The following FLI1 variants were observed in gnomAD, a reference collection of about 807,000 sequenced individuals.
FLI1 encodes Fli-1 proto-oncogene, ETS transcription factor, also known as Friend leukemia integration 1 transcription factor.
A neutral mutation model predicts 53.1 loss-of-function variants in FLI1; 13 were observed. The observed-to-expected ratio is 0.24, with a 90% confidence interval of 0.16 to 0.39. The LOEUF (loss-of-function observed/expected upper bound fraction) is 0.39, where lower values mean the gene tolerates loss of function less well. Ranked by LOEUF, FLI1 falls within the 10% of genes least tolerant of loss-of-function variation. FLI1 has a pLI of 1.00. For missense variants in FLI1, 424 were observed against 600.5 expected (o/e 0.71, Z 3.07); for synonymous variants, 244 against 236.7 (o/e 1.03, Z -0.28).
chr11:128,783,723 A>G (rs932897628), intron 5 of FLI1, among the ~76,000 whole-genome samples: 24 of 152,338 alleles, frequency 1.6e-4, no homozygotes, highest in African/African-American at 5.1e-4. Context: ...AGAACGAAAG[A>G]GAAGAACTCT....
intron 7 of FLI1, among the ~76,000 whole-genome samples, chr11:128,808,846 T>C (rs555287909): frequency 1.7e-3 from 253 of 152,230 alleles, no homozygotes; most frequent in Non-Finnish European, 3.2e-3. Flanking sequence ...TTGAATATTA[T>C]CCAGTTCCTT....
chr11:128,764,392 T>C (rs1466891936), intron 2 of FLI1, among the ~76,000 whole-genome samples: 1 of 152,242 alleles, frequency 6.6e-6, no homozygotes, highest in African/African-American at 2.4e-5. Context: ...GCAGCTCTGC[T>C]GTGGCCTCTG....
intron 5 of FLI1, among the ~76,000 whole-genome samples, chr11:128,789,215 G>A (rs1015483354): frequency 2.0e-5 from 3 of 152,174 alleles, no homozygotes; most frequent in Non-Finnish European, 4.4e-5. Flanking sequence ...GCCCAGGTGA[G>A]CCCTTGCAGG....
At chr11:128,728,102 G>C (rs117944950) in intron 1 of FLI1, among the ~76,000 whole-genome samples, 1 of 152,206 alleles carries the variant, frequency 6.6e-6, no homozygotes, top group African/African-American at 2.4e-5. Context: ...GAGTAGCTCC[G>C]CTTTAAGAGG....
intron 2 of FLI1, among the ~76,000 whole-genome samples, chr11:128,763,317 T>C (rs1941199390): frequency 2.6e-5 from 4 of 152,184 alleles, no homozygotes. Context: ...TTTCTTCATA[T>C]CTTCCTGTTG....
At chr11:128,690,277 C>A (rs1453011863), upstream of FLI1, among the ~76,000 whole-genome samples, 1 of 152,226 alleles carries the variant, frequency 6.6e-6, no homozygotes, top group Non-Finnish European at 1.5e-5. Context: ...CTCGGATACC[C>A]GCTGCGGCCT....
rs528363940 is a variant in FLI1, at chr11:128,813,154, A to G, written c.*2166A>G. 5.5e-4 allele frequency: 88 copies of G among 160,372 alleles called. 18 individuals carry two copies. The highest frequency in any genetic ancestry group is 4.0e-3 in the Admixed American group (58 of 14,582). 9.9% of individuals were successfully genotyped at this position (160,372 alleles called of 1,614,324 possible). On this transcript the variant is annotated 3_prime_UTR_variant, in exon 9 of 9. Coordinates refer to ENST00000527786, the MANE Select transcript of FLI1 (RefSeq NM_002017.5). ...AAGCACATATTCTCAACATATGCAC[A>G]TTGATTTATAAATCATATATACAAA... is the stretch of plus-strand genomic sequence containing the variant.
intron 1 of FLI1, among the ~76,000 whole-genome samples, chr11:128,744,029 G>A (rs1313711508): frequency 6.6e-6 from 1 of 152,174 alleles, no homozygotes; most frequent in African/African-American, 2.4e-5. Flanking sequence ...GGGAGTCTGA[G>A]CTCTGTGATG....
chr11:128,731,958 G>A (rs1388524990), intron 1 of FLI1, among the ~76,000 whole-genome samples: 6 of 151,392 alleles, frequency 4.0e-5, no homozygotes, highest in Admixed American at 2.0e-4. Context: ...AGCCGAGATC[G>A]TGCCACTGTG....
At chr11:128,735,009 G>A (rs1362606459) in intron 1 of FLI1, among the ~76,000 whole-genome samples, 6 of 152,104 alleles carry the variant, frequency 3.9e-5, no homozygotes, top group Admixed American at 6.5e-5. Context: ...CAGAGGGTTG[G>A]CCTCACACTC....
At chr11:128,742,406 T>C (rs1940176949) in intron 1 of FLI1, among the ~76,000 whole-genome samples, 1 of 152,240 alleles carries the variant, frequency 6.6e-6, no homozygotes, top group Admixed American at 6.5e-5. Context: ...ATCTGTTTTA[T>C]GGCCCCATTG....
chr11:128,716,408 G>C (rs894510652), intron 1 of FLI1, among the ~76,000 whole-genome samples: 4 of 152,164 alleles, frequency 2.6e-5, no homozygotes, highest in African/African-American at 4.8e-5. Flanking sequence ...TCTTCTGTCT[G>C]GTTAGTATTT....
At chr11:128,710,439 A>T (rs530144345) in intron 1 of FLI1, among the ~76,000 whole-genome samples, 7 of 152,294 alleles carry the variant, frequency 4.6e-5, no homozygotes, top group African/African-American at 1.7e-4. Context: ...CTGCTCAAAC[A>T]CTAGTCTGTA....
intron 2 of FLI1, among the ~76,000 whole-genome samples, chr11:128,760,737 C>A (rs547530043): frequency 2.6e-5 from 4 of 151,866 alleles, no homozygotes; most frequent in Non-Finnish European, 5.9e-5. Flanking sequence ...TATGTTGGCC[C>A]GGCTGGTCTT....
intron 1 of FLI1, among the ~76,000 whole-genome samples, chr11:128,748,988 G>T (rs1457206061): frequency 6.6e-6 from 1 of 152,140 alleles, no homozygotes; most frequent in Non-Finnish European, 1.5e-5. Context: ...TCCTTGTTTG[G>T]TTTTTGTCTG....
chr11:128,753,786 C>T (rs1037041791), intron 1 of FLI1, among the ~76,000 whole-genome samples: 1 of 152,218 alleles, frequency 6.6e-6, no homozygotes, highest in Non-Finnish European at 1.5e-5. Context: ...CAGACTCATT[C>T]CTCTTGTTTG....
chr11:128,799,668 C>G (rs1367603146), intron 5 of FLI1, among the ~76,000 whole-genome samples: 1 of 152,276 alleles, frequency 6.6e-6, no homozygotes, highest in East Asian at 1.9e-4. Flanking sequence ...CATCCTAAGC[C>G]CTGCATCTAC....
intron 1 of FLI1, among the ~76,000 whole-genome samples, chr11:128,725,926 C>G (rs1028088008): frequency 1.3e-5 from 2 of 152,248 alleles, no homozygotes; most frequent in African/African-American, 4.8e-5. Flanking sequence ...GGCATGGGGA[C>G]AGTAGGGGAC....
At chr11:128,786,849 A>G (rs945645928) in intron 5 of FLI1, among the ~76,000 whole-genome samples, 30 of 152,202 alleles carry the variant, frequency 2.0e-4, no homozygotes, top group African/African-American at 7.2e-4. Flanking sequence ...GAGGATATTG[A>G]GTTCCTTGTT....
Sources: allele counts gnomAD v4.1 joint callset (sites outside exome capture counted in the v4.1 genomes callset), GRCh38; gene constraint gnomAD v4.1.1; transcripts MANE v1.5; gene names NCBI Gene and HGNC (gene_info 2026-07-23, HGNC 2026-07-21).